The following NET1 variants were observed in gnomAD, a reference collection of about 807,000 sequenced individuals.
NET1 encodes the protein neuroepithelial cell transforming 1.
Under a neutral mutation model 61.1 loss-of-function variants are expected in NET1, and 42 were observed. The ratio of observed to expected loss-of-function variants is 0.69; its 90% CI spans 0.54 to 0.89. The LOEUF (loss-of-function observed/expected upper bound fraction) is 0.89, where lower values mean the gene tolerates loss of function less well. Ranked by LOEUF, NET1 falls within the 40% of genes least tolerant of loss-of-function variation. The pLI, the probability that NET1 is intolerant of heterozygous loss-of-function variation, is 0.00. For missense variants in NET1, 654 were observed against 747.3 expected (o/e 0.88, Z 1.46); for synonymous variants, 254 against 281.8 (o/e 0.90, Z 0.99).
chr10:5,414,890 C>G (rs1400265083), intron 1 of NET1, among the ~76,000 whole-genome samples: 1 of 152,166 alleles, frequency 6.6e-6, no homozygotes, highest in East Asian at 1.9e-4. Flanking sequence ...TGAGGACTTT[C>G]CCACCAGGCC....
At chr10:5,428,725 G>GTT (rs111559000) in intron 2 of NET1, among the ~76,000 whole-genome samples, 11 of 138,218 alleles carry the variant, frequency 8.0e-5, no homozygotes, top group African/African-American at 1.9e-4. Flanking sequence ...AATTTTCTTT[G>GTT]TTTTTTTTTT....
At position 5,446,407 on chromosome 10, in the gene NET1, A is replaced by C; in HGVS notation, c.256-5423A>C. The stretch of plus-strand genomic sequence containing the variant: ...ACGTAACAATTTGTTTTACTTCGGG[A>C]ATGCATTTTAAATCAGGAAGAGAAG... On this transcript the variant is annotated intron_variant, in intron 3 of 11. Transcript: ENST00000355029. The surrounding 1 kb of genome is among the most constrained non-coding windows in gnomAD (Gnocchi z 5.0). 5.0e-6 allele frequency: 1 copy of C among 199,738 alleles called. No homozygotes were observed. The highest frequency in any genetic ancestry group is 9.0e-6 in the Non-Finnish European group (1 of 111,428). The allele number at this position is 199,738 out of a possible 1,614,324, so 12.4% of individuals were successfully genotyped here.
At position 5,441,156 on chromosome 10, in the gene NET1, A is replaced by G. The variant is rs1231948504; in HGVS notation, c.256-10674A>G. Among the ~76,000 whole-genome samples the G allele has an allele frequency of 6.6e-6, 1 of 152,198 alleles. No individual in the cohort carries two copies. Among genetic ancestry groups the G allele is most frequent in the Non-Finnish European group, 1.5e-5 (1 of 68,040 alleles). ...AAACACACCACAGACTTCTCCTCTC[A>G]ACGGACTGAAGAGGGGAGCTTTTAT... On this transcript the variant is annotated intron_variant, in intron 3 of 11. Transcript: ENST00000355029. The surrounding 1 kb of genome is among the most constrained non-coding windows in gnomAD (Gnocchi z 4.6).
At chr10:5,442,989 A>G (rs1251800223) in intron 3 of NET1, among the ~76,000 whole-genome samples, 1 of 152,208 alleles carries the variant, frequency 6.6e-6, no homozygotes, top group Non-Finnish European at 1.5e-5. Flanking sequence ...GCTATAAGGC[A>G]GCTAATCTCT....
rs1178317894 is a variant in NET1, at chr10:5,427,990, C to T, written c.196-1180C>T. 1.3e-5 allele frequency among the ~76,000 whole-genome samples: 2 copies of T among 148,316 alleles called. No individual in the cohort carries two copies. The highest frequency in any genetic ancestry group is 5.0e-5 in the African/African-American group (2 of 40,314). ...TTTTATGGTAGCTTGCTTTCTGAGA[C>T]TGCCTGGCTCTGTTACTTTCTCCAC... On this transcript the variant is annotated intron_variant, in intron 2 of 11. Coordinates refer to ENST00000355029, the MANE Select transcript of NET1 (RefSeq NM_001047160.3). This position sits in a 1 kb window ranked among gnomAD's most constrained non-coding sequence, Gnocchi z 4.1.
rs1832357312 is a variant in NET1, at chr10:5,431,990, A to G, written c.255+2761A>G. The stretch of plus-strand genomic sequence containing the variant: ...AGGATGGTTCCTGTGTCCTTTTGAC[A>G]TGACCTTTATCTCACATCTAGTGGC... On this transcript the variant is annotated intron_variant, in intron 3 of 11. Transcript: ENST00000355029. The surrounding 1 kb of genome is among the most constrained non-coding windows in gnomAD (Gnocchi z 4.9). Among the ~76,000 whole-genome samples the G allele has an allele frequency of 6.6e-6, 1 of 152,144 alleles. No homozygotes were observed. Among genetic ancestry groups the G allele is most frequent in the Admixed American group, 6.5e-5 (1 of 15,278 alleles).
rs757782286 is a variant in NET1, at chr10:5,456,275, T to TA, written c.1384+6dup. The TA allele has an allele frequency of 1.4e-5, 22 of 1,599,916 alleles. No individual in the cohort carries two copies. The South Asian group carries it at 2.4e-4, about 17-fold the overall frequency. On this transcript the variant is annotated splice_region_variant and intron_variant, in intron 11 of 11. Transcript: ENST00000355029. This position sits in a 1 kb window ranked among gnomAD's most constrained non-coding sequence, Gnocchi z 7.0. ...GAGCTTTCAGTAACTCAGAGAAAGGTAAAATGCAGGCCTTCAATAATTTAA... is the reference window on the plus strand; with the variant it reads ...GAGCTTTCAGTAACTCAGAGAAAGGTAAAAATGCAGGCCTTCAATAATTTAA...
rs1832671520 is a variant in NET1 at position 5,449,566 on chromosome 10, C to G, written c.256-2264C>G. Among the ~76,000 whole-genome samples, 1 of 152,172 alleles carries G rather than the reference C, an allele frequency of 6.6e-6. No homozygotes were observed. The highest frequency in any genetic ancestry group is 6.6e-5 in the Admixed American group (1 of 15,264). On this transcript the variant is annotated intron_variant, in intron 3 of 11. Transcript: ENST00000355029. This position sits in a 1 kb window ranked among gnomAD's most constrained non-coding sequence, Gnocchi z 4.4. ...CCCTAAAGAGACCACATCAACAAAACCCGTGTTCGTTTCAGAAGTATGCTT... is the reference window on the plus strand; with the variant it reads ...CCCTAAAGAGACCACATCAACAAAAGCCGTGTTCGTTTCAGAAGTATGCTT...
chr10:5,418,635 G>A (rs7921692), intron 1 of NET1, among the ~76,000 whole-genome samples: 146,957 of 152,176 alleles, frequency 0.97, 71,062 homozygotes, highest in Non-Finnish European at 0.99. Context: ...TCTATTCTTT[G>A]TTTTATTTTC....
rs1054876995 is a variant in NET1, at chr10:5,427,090, A to G, written c.195+369A>G. On this transcript the variant is annotated intron_variant, in intron 2 of 11. Coordinates refer to ENST00000355029, the MANE Select transcript of NET1 (RefSeq NM_001047160.3). The surrounding 1 kb of genome is among the most constrained non-coding windows in gnomAD (Gnocchi z 4.1). ...AAAATATAAAAATGCTTGATTGCAC[A>G]TTGTGTATATATATTTAATATATAT... Among the ~76,000 whole-genome samples the G allele has an allele frequency of 6.6e-6, 1 of 151,716 alleles. No homozygotes were observed. Among genetic ancestry groups the G allele is most frequent in the Admixed American group, 6.6e-5 (1 of 15,222 alleles).
chr10:5,414,374 A>C (rs1447797868), intron 1 of NET1, among the ~76,000 whole-genome samples: 1 of 152,268 alleles, frequency 6.6e-6, no homozygotes, highest in Non-Finnish European at 1.5e-5. Context: ...TTCCATGAGA[A>C]AAATAAGCAA....
chr10:5,448,860 C>A (rs1221595481), intron 3 of NET1, among the ~76,000 whole-genome samples: 1 of 152,086 alleles, frequency 6.6e-6, no homozygotes, highest in African/African-American at 2.4e-5. Context: ...CCCCCTTCAT[C>A]ACCTCCAAAT....
rs1408421609 is a variant in NET1 at position 5,457,045 on chromosome 10, G to A, written c.*51G>A. 1 of 1,490,514 alleles carries A rather than the reference G, an allele frequency of 6.7e-7. No individual in the cohort carries two copies. The highest frequency in any genetic ancestry group is 2.5e-5 in the Admixed American group (1 of 40,184). 92.3% of individuals were successfully genotyped at this position (1,490,514 alleles called of 1,614,324 possible). A position where few individuals can be genotyped will look rare whatever the true frequency, so the allele number is the denominator to read the frequency against. On this transcript the variant is annotated 3_prime_UTR_variant, in exon 12 of 12. Coordinates refer to ENST00000355029, the MANE Select transcript of NET1 (RefSeq NM_001047160.3). The surrounding 1 kb of genome is among the most constrained non-coding windows in gnomAD (Gnocchi z 5.4). ...GGAGAGACTGTTTGTTTATAAATGT[G>A]TACAGTTTTGTTTTCTCGTAAGGGG...
rs976770219 is a variant in NET1, at chr10:5,455,293, G to A, written c.1197+175G>A. On this transcript the variant is annotated intron_variant, in intron 10 of 11. Transcript: ENST00000355029. The surrounding 1 kb of genome is among the most constrained non-coding windows in gnomAD (Gnocchi z 6.5). ...AGCCAACAAAGAAGATACCTTAAAT[G>A]TCTCAGTGGAGAATCAGTAATACTT... Among the ~76,000 whole-genome samples, 14 of 152,164 alleles carry A rather than the reference G, an allele frequency of 9.2e-5. No homozygotes were observed. The highest frequency in any genetic ancestry group is 2.7e-4 in the African/African-American group (11 of 41,432).
Position 5,417,134 on chromosome 10 carries a change from C to T in NET1, c.128+4314C>T, listed in dbSNP as rs2119163322. ...CAACCTCCCTGGCCAAGCTCTGCGT[C>T]ATTCTGCGAATCGATGGCCTGCCAG... On this transcript the variant is annotated intron_variant, in intron 1 of 11. Transcript: ENST00000355029. The surrounding 1 kb of genome is among the most constrained non-coding windows in gnomAD (Gnocchi z 5.5). Among the ~76,000 whole-genome samples the T allele has an allele frequency of 6.6e-6, 1 of 152,224 alleles. No individual in the cohort carries two copies. The highest frequency in any genetic ancestry group is 1.9e-4 in the East Asian group (1 of 5,182).
intron 3 of NET1, among the ~76,000 whole-genome samples, chr10:5,450,195 G>T (rs1832682728): frequency 6.6e-6 from 1 of 152,124 alleles, no homozygotes. Context: ...TTTTACTTTG[G>T]AGTTGATTAT....
In NET1 at chr10:5,415,448, T is replaced by G. The variant is rs1232374144; in HGVS notation, c.128+2628T>G. 6.6e-6 allele frequency among the ~76,000 whole-genome samples: 1 copy of G among 151,404 alleles called. No individual in the cohort carries two copies. Among genetic ancestry groups the G allele is most frequent in the African/African-American group, 2.4e-5 (1 of 41,214 alleles). On this transcript the variant is annotated intron_variant, in intron 1 of 11. Transcript: ENST00000355029. The surrounding 1 kb of genome is among the most constrained non-coding windows in gnomAD (Gnocchi z 4.7). Reference sequence around the variant, plus strand: ...GTGGGCCATCCTTTGCTCTTTTTTTTTTTTCTTTTGAGACGGAGTCTCAGT... The same window carrying G: ...GTGGGCCATCCTTTGCTCTTTTTTTGTTTTCTTTTGAGACGGAGTCTCAGT...
At chr10:5,432,362 T>C (rs1832361891) in intron 3 of NET1, among the ~76,000 whole-genome samples, 1 of 152,244 alleles carries the variant, frequency 6.6e-6, no homozygotes, top group Admixed American at 6.5e-5. Context: ...GATTTAATTA[T>C]GCATTTGATT....
At position 5,423,416 on chromosome 10, in the gene NET1, C is replaced by T. The variant is rs1832210181; in HGVS notation, c.129-3239C>T. On this transcript the variant is annotated intron_variant, in intron 1 of 11. Transcript: ENST00000355029. The surrounding 1 kb of genome is among the most constrained non-coding windows in gnomAD (Gnocchi z 4.4). ...TCATTTTAATTATGATTTCTTTAGACTAAACCTAATTTAGTGTAAATACAT... is the reference window on the plus strand; with the variant it reads ...TCATTTTAATTATGATTTCTTTAGATTAAACCTAATTTAGTGTAAATACAT... 6.6e-6 allele frequency among the ~76,000 whole-genome samples: 1 copy of T among 152,096 alleles called. No individual in the cohort carries two copies. Among genetic ancestry groups the T allele is most frequent in the Admixed American group, 6.5e-5 (1 of 15,272 alleles).
Sources: gnomAD v4.1 joint callset for allele counts (sites outside exome capture counted in the v4.1 genomes callset) on GRCh38, gnomAD v4.1.1 for gene constraint, Gnocchi (gnomAD v3.1) non-coding constraint, MANE v1.5 for transcripts, NCBI Gene and HGNC (gene_info 2026-07-23, HGNC 2026-07-21) for gene names.